RPS6KA2: variants seen among roughly 807,000 people sequenced by gnomAD.
RPS6KA2 encodes the protein ribosomal protein S6 kinase A2, also known as ribosomal protein S6 kinase alpha-2.
RPS6KA2 carries 42 observed loss-of-function variants against 91.8 expected under a neutral mutation model. The ratio of observed to expected loss-of-function variants is 0.46; its 90% CI spans 0.36 to 0.59. The LOEUF is 0.59. RPS6KA2 is among the 20% of genes least tolerant of loss of function. The pLI, the probability that RPS6KA2 is intolerant of heterozygous loss-of-function variation, is 0.00. For missense variants in RPS6KA2, 798 were observed against 978.5 expected, an observed-to-expected ratio of 0.82 and a Z score of 2.46; for synonymous variants, 414 against 393.6, an observed-to-expected ratio of 1.05 and a Z score of -0.61.
At chr6:166,523,929 C>T (rs1476404165) in intron 3 of RPS6KA2, among the ~76,000 whole-genome samples, 1 of 152,202 alleles carries the variant, frequency 6.6e-6, no homozygotes, top group Non-Finnish European at 1.5e-5. Context: ...CTACACACAG[C>T]TCTGCATTCC....
Position 166,508,059 on chromosome 6 carries a change from A to G in RPS6KA2, c.459+144T>C. 1 of 590,554 alleles carries G rather than the reference A, an allele frequency of 1.7e-6. No individual in the cohort carries two copies. Among genetic ancestry groups the G allele is most frequent in the East Asian group, 2.9e-5 (1 of 34,404 alleles). 36.6% of individuals were successfully genotyped at this position (590,554 alleles called of 1,614,324 possible). A position where few individuals can be genotyped will look rare whatever the true frequency, so the allele number is the denominator to read the frequency against. On this transcript the variant is annotated intron_variant, in intron 5 of 20. Coordinates refer to ENST00000265678, the MANE Select transcript of RPS6KA2 (RefSeq NM_021135.6). This position sits in a 1 kb window ranked among gnomAD's most constrained non-coding sequence, Gnocchi z 4.3. ...CTCTCCCACACACGCACTCTTGCAC[A>G]CACTCACACATGCACACACCCCCAC...
chr6:166,528,784 A>G (rs1783153911), intron 3 of RPS6KA2, among the ~76,000 whole-genome samples: 1 of 151,894 alleles, frequency 6.6e-6, no homozygotes, highest in Non-Finnish European at 1.5e-5. Context: ...ACCTCTCAAA[A>G]GAATACATTT....
At chr6:166,858,489 T>C (rs1287220674) in intron 1 of RPS6KA2, among the ~76,000 whole-genome samples, 3 of 152,240 alleles carry the variant, frequency 2.0e-5, no homozygotes, top group Non-Finnish European at 2.9e-5. Flanking sequence ...GCAAGGAGTG[T>C]TCACACTAAA....
intron 2 of RPS6KA2, among the ~76,000 whole-genome samples, chr6:166,794,939 T>C (rs558494942): frequency 5.3e-5 from 8 of 151,896 alleles, no homozygotes; most frequent in Non-Finnish European, 1.0e-4. Flanking sequence ...ACATGGCACA[T>C]GTATACATAT....
intron 2 of RPS6KA2, among the ~76,000 whole-genome samples, chr6:166,784,258 CGCA>C (rs1778861420): frequency 3.8e-4 from 1 of 2,634 alleles, no homozygotes; most frequent in African/African-American, 4.2e-4. Flanking sequence ...TGCACACCTA[CGCA>C]TAACCACATA....
intron 2 of RPS6KA2, among the ~76,000 whole-genome samples, chr6:166,836,730 G>A (rs1019457098): frequency 7.9e-5 from 12 of 152,170 alleles, no homozygotes; most frequent in African/African-American, 2.9e-4. Flanking sequence ...GGCCAGTCTC[G>A]AGGACAGGTT....
In RPS6KA2 at chr6:166,770,176, T is replaced by C. The variant is rs2128606452; in HGVS notation, c.123+88024A>G. On this transcript the variant is annotated intron_variant, in intron 2 of 21. Transcript: ENST00000503859. This position sits in a 1 kb window ranked among gnomAD's most constrained non-coding sequence, Gnocchi z 5.1. Reference sequence around the variant, plus strand: ...CATGGTGTCACAACCACATGTGGCGTGACTACCGACTTACTACATTTCACC... The same window carrying C: ...CATGGTGTCACAACCACATGTGGCGCGACTACCGACTTACTACATTTCACC... Among the ~76,000 whole-genome samples the C allele has an allele frequency of 6.6e-6, 1 of 152,300 alleles. No individual in the cohort carries two copies. The highest frequency in any genetic ancestry group is 1.9e-4 in the East Asian group (1 of 5,192).
intron 2 of RPS6KA2, among the ~76,000 whole-genome samples, chr6:166,713,687 C>T (rs1373770476): frequency 6.6e-6 from 1 of 152,220 alleles, no homozygotes; most frequent in African/African-American, 2.4e-5. Context: ...CCTAATGCAG[C>T]CATTTATTCA....
chr6:166,506,627 T>C (rs1782235818), intron 5 of RPS6KA2, among the ~76,000 whole-genome samples: 1 of 152,178 alleles, frequency 6.6e-6, no homozygotes, highest in Non-Finnish European at 1.5e-5. Context: ...CACAGAAACG[T>C]GCACCACTGT....
Position 166,823,730 on chromosome 6 carries a change from C to T in RPS6KA2, c.123+34470G>A, listed in dbSNP as rs570812943. Among the ~76,000 whole-genome samples, 8 of 152,220 alleles carry T rather than the reference C, an allele frequency of 5.3e-5. No individual in the cohort carries two copies. In the South Asian group the frequency reaches 8.3e-4, roughly 16 times the overall value. ...CAGAAACTATGCAGTACAATGAACA[C>T]GGACAGGCATTTCACAGGAGAGGAA... On this transcript the variant is annotated intron_variant, in intron 2 of 21. Transcript: ENST00000503859.
At chr6:166,722,774 C>T (rs1790217108) in intron 2 of RPS6KA2, among the ~76,000 whole-genome samples, 2 of 152,236 alleles carry the variant, frequency 1.3e-5, no homozygotes, top group Admixed American at 1.3e-4. Context: ...TGAGATTCGT[C>T]CTTCAGTCTA....
At chr6:166,640,275 A>G (rs1787384197) in intron 2 of RPS6KA2, among the ~76,000 whole-genome samples, 1 of 152,188 alleles carries the variant, frequency 6.6e-6, no homozygotes, top group Non-Finnish European at 1.5e-5. Flanking sequence ...GGTACAAAAG[A>G]GAACATAAAA....
Position 166,627,086 on chromosome 6 carries a change from G to A in RPS6KA2, c.-67C>T. ...GCGCATCCCCGGCATCCCAGGCGCG[G>A]GGCTCAGGTCCGCGGGCGGGCACGC... On this transcript the variant is annotated 5_prime_UTR_variant, in exon 1 of 21. Transcript: ENST00000265678. 2 of 1,271,068 alleles carry A rather than the reference G, an allele frequency of 1.6e-6. No homozygotes were observed. Among genetic ancestry groups the A allele is most frequent in the African/African-American group, 1.6e-5 (1 of 64,498 alleles). The allele number at this position is 1,271,068 out of a possible 1,614,324, so 78.7% of individuals were successfully genotyped here.
chr6:166,610,842 C>A (rs948748596), intron 1 of RPS6KA2, among the ~76,000 whole-genome samples: 24 of 152,168 alleles, frequency 1.6e-4, no homozygotes, highest in African/African-American at 5.3e-4. Context: ...AACTGGAAAG[C>A]CACATGTAAT....
chr6:166,780,237 G>C (rs538081364), intron 2 of RPS6KA2, among the ~76,000 whole-genome samples: 166 of 152,364 alleles, frequency 1.1e-3, no homozygotes, highest in Non-Finnish European at 1.7e-3. Flanking sequence ...ATTTGGGAAA[G>C]GGCCATTGCA....
intron 2 of RPS6KA2, among the ~76,000 whole-genome samples, chr6:166,741,945 A>G (rs2128592947): frequency 6.6e-6 from 1 of 152,236 alleles, no homozygotes; most frequent in South Asian, 2.1e-4. Context: ...CGGCCAACAT[A>G]GTGAAACCCC....
At chr6:166,830,475 C>T (rs752081296) in intron 2 of RPS6KA2, among the ~76,000 whole-genome samples, 2 of 152,114 alleles carry the variant, frequency 1.3e-5, no homozygotes, top group Non-Finnish European at 2.9e-5. Flanking sequence ...CCCTGAATAC[C>T]TCTGACATAC....
In RPS6KA2 at chr6:166,686,658, C is replaced by T. The variant is rs140022776; in HGVS notation, c.124-147874G>A. Among the ~76,000 whole-genome samples the T allele has an allele frequency of 3.9e-5, 6 of 152,356 alleles. No homozygotes were observed. In the East Asian group the frequency reaches 1.2e-3, roughly 29 times the overall value. ...TGCTCATGCTTCAGCCTCCTGGCTTCCTCTGGGAAGCTGCCTTGCTCCCCG... is the reference window on the plus strand; with the variant it reads ...TGCTCATGCTTCAGCCTCCTGGCTTTCTCTGGGAAGCTGCCTTGCTCCCCG... On this transcript the variant is annotated intron_variant, in intron 2 of 21. Transcript: ENST00000503859.
intron 1 of RPS6KA2, among the ~76,000 whole-genome samples, chr6:166,611,645 G>A (rs1583325294): frequency 6.6e-6 from 1 of 152,316 alleles, no homozygotes; most frequent in Admixed American, 6.5e-5. Context: ...AATATCTCAA[G>A]GTAATGTGGA....
Sources: gnomAD v4.1 joint callset for allele counts (sites outside exome capture counted in the v4.1 genomes callset) on GRCh38, gnomAD v4.1.1 for gene constraint, Gnocchi (gnomAD v3.1) non-coding constraint, MANE v1.5 for transcripts, NCBI Gene and HGNC (gene_info 2026-07-23, HGNC 2026-07-21) for gene names.